HERC4: variants seen among roughly 807,000 people sequenced by gnomAD.
HERC4 encodes the protein probable E3 ubiquitin-protein ligase HERC4.
HERC4 carries 28 observed loss-of-function variants against 124.3 expected under a neutral mutation model. The ratio of observed to expected loss-of-function variants is 0.23; its 90% confidence interval spans 0.17 to 0.31. The LOEUF (loss-of-function observed/expected upper bound fraction) is 0.31. HERC4 is among the 10% of genes least tolerant of loss of function. The pLI, the probability that HERC4 is intolerant of heterozygous loss-of-function variation, is 1.00. For synonymous variants in HERC4, 407 were observed against 421.5 expected (o/e 0.97, Z 0.42); for missense variants, 713 against 1,229.3 (o/e 0.58, Z 6.28).
In HERC4 at chr10:68,001,492, A is replaced by T. The variant is rs1319274716; in HGVS notation, c.1070-8810T>A. On this transcript the variant is annotated intron_variant, in intron 9 of 24. Coordinates refer to ENST00000373700, the MANE Select transcript of HERC4 (RefSeq NM_015601.4). Reference sequence around the variant, plus strand: ...AACCTCTGGATGGGCTAGAATTGGTAAATTAAATTCACATGTAACTAGTTT... The same window carrying T: ...AACCTCTGGATGGGCTAGAATTGGTTAATTAAATTCACATGTAACTAGTTT... Among the ~76,000 whole-genome samples, 4 of 152,310 alleles carry T rather than the reference A, an allele frequency of 2.6e-5. No homozygotes were observed. The East Asian group carries it at 7.7e-4, about 29-fold the overall frequency.
At chr10:67,996,712 C>T (rs930876177) in intron 9 of HERC4, among the ~76,000 whole-genome samples, 2 of 151,974 alleles carry the variant, frequency 1.3e-5, no homozygotes, top group Admixed American at 6.6e-5. Context: ...TGGCCAGGCG[C>T]GGTGGCTCAC....
chr10:68,059,618 A>AATATTATATATT lies in HERC4; in HGVS notation c.226+13264_226+13265insAATATATAATAT, dbSNP rs1554830211. On this transcript the variant is annotated intron_variant, in intron 3 of 24. Coordinates refer to ENST00000373700, the MANE Select transcript of HERC4 (RefSeq NM_015601.4). ...TATATATCATAATATTATATATCAT[A>AATATTATATATT]ATATTATATATCATAATATTATATA... Among the ~76,000 whole-genome samples, 373 of 89,862 alleles carry AATATTATATATT rather than the reference A, an allele frequency of 4.2e-3. 89 individuals carry two copies. In the East Asian group the frequency reaches 0.044, roughly 11 times the overall value. 59.0% of individuals were successfully genotyped at this position (89,862 alleles called of 152,430 possible). A position where few individuals can be genotyped will look rare whatever the true frequency, so the allele number is the denominator to read the frequency against.
intron 15 of HERC4, among the ~76,000 whole-genome samples, chr10:67,974,540 G>A (rs551052443): frequency 3.9e-5 from 6 of 152,222 alleles, no homozygotes; most frequent in African/African-American, 1.4e-4. Flanking sequence ...GTCCAAACAG[G>A]TGCTCAATAA....
intron 15 of HERC4, among the ~76,000 whole-genome samples, chr10:67,967,189 T>C (rs1276875329): frequency 6.6e-6 from 1 of 152,110 alleles, no homozygotes; most frequent in African/African-American, 2.4e-5. Context: ...AAGAAAAAAA[T>C]GCTTTGGGGA....
chr10:67,947,589 T>TATA (rs1425336985), intron 19 of HERC4, among the ~76,000 whole-genome samples: 2 of 152,130 alleles, frequency 1.3e-5, no homozygotes, highest in African/African-American at 2.4e-5. Context: ...TGAACTACAT[T>TATA]ATAAACCAAT....
chr10:68,008,075 C>T (rs546933558), intron 9 of HERC4: 32 of 152,416 alleles, frequency 2.1e-4, no homozygotes, highest in African/African-American at 5.8e-4. Context: ...TGGGTAAGAT[C>T]TGGGAGAATT....
intron 24 of HERC4, among the ~76,000 whole-genome samples, chr10:67,924,858 T>C (rs1322573683): frequency 1.3e-5 from 2 of 152,260 alleles, no homozygotes; most frequent in Non-Finnish European, 2.9e-5. Context: ...AACATAGCTA[T>C]AGTTTGCTTT....
At chr10:68,047,450 G>A (rs1419061875) in intron 3 of HERC4, among the ~76,000 whole-genome samples, 1 of 152,122 alleles carries the variant, frequency 6.6e-6, no homozygotes, top group East Asian at 1.9e-4. Flanking sequence ...TAGCCCAGGG[G>A]AAAACATTTG....
intron 3 of HERC4, among the ~76,000 whole-genome samples, chr10:68,059,669 T>C (rs187513971): frequency 8.6e-5 from 6 of 69,458 alleles, no homozygotes; most frequent in Non-Finnish European, 1.2e-4. Flanking sequence ...TATTATATAT[T>C]ATATTATATA....
At chr10:68,036,922 C>CT (rs1356340795) in intron 5 of HERC4, among the ~76,000 whole-genome samples, 1 of 151,966 alleles carries the variant, frequency 6.6e-6, no homozygotes, top group African/African-American at 2.4e-5. Flanking sequence ...CTGCCTCAGA[C>CT]TACAGTTATT....
intron 3 of HERC4, among the ~76,000 whole-genome samples, chr10:68,052,684 C>T (rs1031724241): frequency 2.0e-5 from 3 of 152,154 alleles, no homozygotes; most frequent in Non-Finnish European, 2.9e-5. Context: ...ATCAATTAAG[C>T]TTGTGAAAAT....
chr10:68,022,368 G>T (rs150015363), intron 8 of HERC4, among the ~76,000 whole-genome samples: 1 of 151,898 alleles, frequency 6.6e-6, no homozygotes, highest in Admixed American at 6.6e-5. Context: ...GCAAGGTGGC[G>T]CATGCCTGTA....
At chr10:68,057,997 G>A (rs1288237809) in intron 3 of HERC4, among the ~76,000 whole-genome samples, 1 of 151,976 alleles carries the variant, frequency 6.6e-6, no homozygotes, top group Non-Finnish European at 1.5e-5. Context: ...CACCATGCCT[G>A]GCCACCTTAT....
chr10:68,039,324 A>G (rs2039642975), intron 4 of HERC4: 1 of 1,463,782 alleles, frequency 6.8e-7, no homozygotes, highest in Non-Finnish European at 9.1e-7. Flanking sequence ...TCAAAAAAAA[A>G]AAAAAAAAAA....
rs60547325 is a variant in HERC4 at position 68,048,724 on chromosome 10, C to A, written c.227-4161G>T. Reference sequence around the variant, plus strand: ...ATGTGCCATTGTGCTGCAGAACATCCAGAAAGCTGGGGAGGTGGTGCATGG... The same window carrying A: ...ATGTGCCATTGTGCTGCAGAACATCAAGAAAGCTGGGGAGGTGGTGCATGG... On this transcript the variant is annotated intron_variant, in intron 3 of 24. Coordinates refer to ENST00000373700, the MANE Select transcript of HERC4 (RefSeq NM_015601.4). 0.026 allele frequency among the ~76,000 whole-genome samples: 4,030 copies of A among 152,186 alleles called. 395 individuals carry two copies. In the East Asian group the frequency reaches 0.31, roughly 12 times the overall value.
At chr10:68,010,968 T>C in intron 9 of HERC4, 1 of 908,908 alleles carries the variant, frequency 1.1e-6, no homozygotes, top group Non-Finnish European at 1.7e-6. Context: ...TTCCACCATA[T>C]CTATAGTTAA....
At chr10:68,056,240 A>C (rs1432662673) in intron 3 of HERC4, among the ~76,000 whole-genome samples, 1 of 152,164 alleles carries the variant, frequency 6.6e-6, no homozygotes, top group Non-Finnish European at 1.5e-5. Flanking sequence ...TAGAGTTTTA[A>C]ATTTTAAATT....
Position 68,026,626 on chromosome 10 carries a change from G to A in HERC4, c.778-950C>T, listed in dbSNP as rs113390215. 2.6e-5 allele frequency among the ~76,000 whole-genome samples: 4 copies of A among 151,474 alleles called. 1 individual carries two copies. The highest frequency in any genetic ancestry group is 2.0e-4 in the East Asian group (1 of 5,110). Reference sequence around the variant, plus strand: ...TGGGAGGCCGAGGCAGGTGGATCACGAGGTCAGGAGATCGAGACCATCCTG... The same window carrying A: ...TGGGAGGCCGAGGCAGGTGGATCACAAGGTCAGGAGATCGAGACCATCCTG... On this transcript the variant is annotated intron_variant, in intron 7 of 24. Coordinates refer to ENST00000373700, the MANE Select transcript of HERC4 (RefSeq NM_015601.4).
At position 67,957,810 on chromosome 10, in the gene HERC4, G is replaced by A. The variant is rs552506560; in HGVS notation, c.1927-834C>T. On this transcript the variant is annotated intron_variant, in intron 16 of 24. Transcript: ENST00000373700. Reference sequence around the variant, plus strand: ...AGACAGTTCTTTATAGTCTGAATCTGCATTTTTTTTTCCCCCATACAGAGT... The same window carrying A: ...AGACAGTTCTTTATAGTCTGAATCTACATTTTTTTTTCCCCCATACAGAGT... Among the ~76,000 whole-genome samples, 9 of 152,098 alleles carry A rather than the reference G, an allele frequency of 5.9e-5. No individual in the cohort carries two copies. In the South Asian group the frequency reaches 1.9e-3, roughly 32 times the overall value.
Sources: gnomAD v4.1 joint callset for allele counts (sites outside exome capture counted in the v4.1 genomes callset) on GRCh38, gnomAD v4.1.1 for gene constraint, MANE v1.5 for transcripts, NCBI Gene and HGNC (gene_info 2026-07-23, HGNC 2026-07-21) for gene names.